CCDC60: variants seen among roughly 807,000 people sequenced by gnomAD.
The protein encoded by CCDC60 is coiled-coil domain-containing protein 60.
In CCDC60, 54 loss-of-function variants were observed where a neutral mutation model predicts 63.5. The observed-to-expected ratio is 0.85, with a 90% CI of 0.68 to 1.07. The LOEUF (loss-of-function observed/expected upper bound fraction) is 1.07. Ranked by LOEUF, CCDC60 falls within the 50% of genes least tolerant of loss-of-function variation. The pLI is 0.00. For synonymous variants in CCDC60, 206 were observed against 238.8 expected (o/e 0.86, Z 1.27); for missense variants, 651 against 684.3 (o/e 0.95, Z 0.54).
chr12:119,401,159 A>G lies in CCDC60; in HGVS notation c.91-27524A>G, dbSNP rs557107994. 2.1e-4 allele frequency among the ~76,000 whole-genome samples: 32 copies of G among 152,346 alleles called. 1 individual carries two copies. The East Asian group carries it at 6.2e-3, about 29-fold the overall frequency. The stretch of plus-strand genomic sequence containing the variant: ...GAAAGAGGGGCTTGGTCCAAGGCCC[A>G]TGGTCACAGAGCTGGTTACCCAGGT... On this transcript the variant is annotated intron_variant, in intron 1 of 13. Coordinates refer to ENST00000327554, the MANE Select transcript of CCDC60 (RefSeq NM_178499.5).
chr12:119,519,434 T>TGTGC (rs1262823056), intron 8 of CCDC60, among the ~76,000 whole-genome samples: 30 of 122,006 alleles, frequency 2.5e-4, no homozygotes, highest in South Asian at 2.4e-3. Context: ...TGTGTGTGTG[T>TGTGC]GCGCGTGTGT....
chr12:119,506,986 G>A lies in CCDC60; in HGVS notation c.883+1683G>A, dbSNP rs1050091453. On this transcript the variant is annotated intron_variant, in intron 7 of 13. Coordinates refer to ENST00000327554, the MANE Select transcript of CCDC60 (RefSeq NM_178499.5). ...CACAAAATTCTTGACTCTGATGCAC[G>A]GGACATCTTCCTGCTTCCTCCCCAT... 5.9e-5 allele frequency among the ~76,000 whole-genome samples: 9 copies of A among 152,078 alleles called. No individual in the cohort carries two copies. In the East Asian group the frequency reaches 7.7e-4, roughly 13 times the overall value.
At chr12:119,453,529 T>G (rs955269110) in intron 2 of CCDC60, among the ~76,000 whole-genome samples, 11 of 152,248 alleles carry the variant, frequency 7.2e-5, no homozygotes, top group Admixed American at 2.0e-4. Flanking sequence ...CACAGTGGAC[T>G]CACAGACCTT....
chr12:119,534,902 G>A (rs1029774216), intron 13 of CCDC60, among the ~76,000 whole-genome samples: 3 of 152,148 alleles, frequency 2.0e-5, no homozygotes, highest in African/African-American at 4.8e-5. Context: ...TCTCTGTCAG[G>A]CTTTGGTATC....
intron 2 of CCDC60, among the ~76,000 whole-genome samples, chr12:119,448,254 T>C (rs777341497): frequency 3.3e-5 from 5 of 152,062 alleles, no homozygotes; most frequent in Non-Finnish European, 7.4e-5. Flanking sequence ...TCACAAGGTA[T>C]ACACATATGA....
At position 119,530,996 on chromosome 12, in the gene CCDC60, T is replaced by C. The variant is rs1952825522; in HGVS notation, c.1484T>C (p.Leu495Pro). ...GACTTGCGGATTCGACCCCATGTCC[T>C]CCTGAAGGTGCTGCAGGATCTGAGG... is the stretch of plus-strand genomic sequence containing the variant. ...NLDLRIRPHV[L>P]LKVLQDLRIW... The change falls in exon 13 of 14, where the codon CTC (leucine) becomes CCC (proline). Residue 495 changes from leucine to proline, a missense_variant. By Grantham distance (98) the Leu-to-Pro change is moderately conservative. Coordinates refer to ENST00000327554, the MANE Select transcript of CCDC60 (RefSeq NM_178499.5). 1 of 1,614,182 alleles carries C rather than the reference T, an allele frequency of 6.2e-7. No homozygotes were observed. Among genetic ancestry groups the C allele is most frequent in the African/African-American group, 1.3e-5 (1 of 75,066 alleles).
chr12:119,469,333 G>A (rs1951012115), intron 2 of CCDC60, among the ~76,000 whole-genome samples: 1 of 152,208 alleles, frequency 6.6e-6, no homozygotes, highest in Non-Finnish European at 1.5e-5. Context: ...TGCAACCTCC[G>A]CCTCCTTGCA....
At chr12:119,433,898 G>A (rs771881045) in intron 2 of CCDC60, among the ~76,000 whole-genome samples, 5 of 152,198 alleles carry the variant, frequency 3.3e-5, no homozygotes, top group African/African-American at 7.2e-5. Context: ...CAAACTTGGT[G>A]AATTTCTAGC....
chr12:119,530,511 C>G (rs1187203873), intron 12 of CCDC60, among the ~76,000 whole-genome samples: 1 of 152,154 alleles, frequency 6.6e-6, no homozygotes, highest in South Asian at 2.1e-4. Context: ...TAGTAGACAT[C>G]CCAAAGATGT....
chr12:119,422,294 A>T (rs1956827152), intron 1 of CCDC60, among the ~76,000 whole-genome samples: 1 of 152,230 alleles, frequency 6.6e-6, no homozygotes, highest in Admixed American at 6.5e-5. Flanking sequence ...CCAGGTTGGG[A>T]GTCATCACAG....
intron 1 of CCDC60, among the ~76,000 whole-genome samples, chr12:119,339,467 C>T (rs61939527): frequency 0.089 from 13,501 of 152,172 alleles, 783 homozygotes; most frequent in Non-Finnish European, 0.13. Flanking sequence ...GTGACTTGCT[C>T]ATATCCTAGC....
intron 3 of CCDC60, among the ~76,000 whole-genome samples, chr12:119,475,492 T>C (rs1479983044): frequency 6.6e-6 from 1 of 152,248 alleles, no homozygotes. Flanking sequence ...TTATGTCTTA[T>C]CTGGTAGGTT....
intron 1 of CCDC60, among the ~76,000 whole-genome samples, chr12:119,387,057 C>T (rs1005719980): frequency 7.9e-5 from 12 of 151,334 alleles, no homozygotes; most frequent in African/African-American, 2.7e-4. Context: ...CACACACACA[C>T]ACACACACAC....
intron 1 of CCDC60, among the ~76,000 whole-genome samples, chr12:119,356,815 T>A (rs1955724017): frequency 6.6e-6 from 1 of 152,242 alleles, no homozygotes; most frequent in South Asian, 2.1e-4. Flanking sequence ...ATGTCTTGCA[T>A]TTCTCTCTGT....
Position 119,348,086 on chromosome 12 carries a change from G to A in CCDC60, c.90+12820G>A, listed in dbSNP as rs541104568. Among the ~76,000 whole-genome samples, 52 of 152,152 alleles carry A rather than the reference G, an allele frequency of 3.4e-4. No homozygotes were observed. The South Asian group carries it at 6.6e-3, about 19-fold the overall frequency. ...AAAAGGCAATTAGCACATGACTGTC[G>A]CCTGTGTTGCTATTGCTCATTAGCT... is the stretch of plus-strand genomic sequence containing the variant. On this transcript the variant is annotated intron_variant, in intron 1 of 13. Coordinates refer to ENST00000327554, the MANE Select transcript of CCDC60 (RefSeq NM_178499.5).
chr12:119,414,147 TAGCTGGGATTACAGGCACGC>T (rs1956657351), intron 1 of CCDC60, among the ~76,000 whole-genome samples: 1 of 152,038 alleles, frequency 6.6e-6, no homozygotes, highest in Non-Finnish European at 1.5e-5. Context: ...GCCTCCCAAG[TAGCTGGGATTACAGGCACGC>T]ACCACCACAC....
At chr12:119,524,192 A>C (rs1952614388) in intron 11 of CCDC60, among the ~76,000 whole-genome samples, 1 of 152,130 alleles carries the variant, frequency 6.6e-6, no homozygotes, top group Admixed American at 6.5e-5. Context: ...TTCCAGGTAG[A>C]AGGAAAAGTG....
At chr12:119,470,701 C>T (rs1000048627) in intron 2 of CCDC60, among the ~76,000 whole-genome samples, 12 of 152,186 alleles carry the variant, frequency 7.9e-5, no homozygotes, top group African/African-American at 2.9e-4. Flanking sequence ...CACCTTCAAA[C>T]AGGGAAAGAA....
At chr12:119,510,958 T>C (rs1952201764) in intron 7 of CCDC60, among the ~76,000 whole-genome samples, 1 of 152,166 alleles carries the variant, frequency 6.6e-6, no homozygotes, top group African/African-American at 2.4e-5. Flanking sequence ...ATGCTTCCCC[T>C]TGTATGCATA....
Sources: gnomAD v4.1 joint callset for allele counts (sites outside exome capture counted in the v4.1 genomes callset) on GRCh38, gnomAD v4.1.1 for gene constraint, MANE v1.5 for transcripts, NCBI Gene and HGNC (gene_info 2026-07-23, HGNC 2026-07-21) for gene names.